TNFSF4: variants seen among roughly 807,000 people sequenced by gnomAD.
The protein encoded by TNFSF4 is TNF superfamily member 4, also known as tumor necrosis factor ligand superfamily member 4.
A neutral mutation model predicts 7.3 loss-of-function variants in TNFSF4; 4 were observed. The observed-to-expected ratio is 0.55, with a 90% CI of 0.27 to 1.25. TNFSF4 has a LOEUF of 1.25. Ranked by LOEUF, TNFSF4 falls within the 50% of genes most tolerant of loss-of-function variation. TNFSF4 has a pLI of 0.12. For missense variants in TNFSF4, 181 were observed against 208.8 expected, an observed-to-expected ratio of 0.87 and a Z score of 0.82; for synonymous variants, 76 against 83.7, an observed-to-expected ratio of 0.91 and a Z score of 0.50.
the TNFSF4 span, among the ~76,000 whole-genome samples, chr1:173,442,556 T>G: frequency 0.013 from 1,847 of 143,554 alleles, 56 homozygotes; most frequent in African/African-American, 0.044. Flanking sequence ...TTTTTGTTTT[T>G]TTTTTTTTTT....
chr1:173,288,341 C>T, the TNFSF4 span, among the ~76,000 whole-genome samples: 4 of 152,040 alleles, frequency 2.6e-5, no homozygotes, highest in African/African-American at 7.2e-5. Flanking sequence ...GGGGCTGAAG[C>T]GGGAGGACTG....
chr1:173,173,601 G>A, the TNFSF4 span, among the ~76,000 whole-genome samples: 1 of 152,226 alleles, frequency 6.6e-6, no homozygotes, highest in Non-Finnish European at 1.5e-5. Context: ...AATCTAGGCA[G>A]AGGTACCCAA....
intron 1 of TNFSF4, among the ~76,000 whole-genome samples, chr1:173,190,955 A>G (rs2101985672): frequency 6.6e-6 from 1 of 152,324 alleles, no homozygotes; most frequent in Middle Eastern, 3.4e-3. Context: ...CTAGCTTTCC[A>G]TGATTTAGAT....
At chr1:173,356,486 A>G in the TNFSF4 span, among the ~76,000 whole-genome samples, 1 of 152,234 alleles carries the variant, frequency 6.6e-6, no homozygotes, top group Admixed American at 6.5e-5. Flanking sequence ...TCCAGAAACC[A>G]CGTATCACAA....
the TNFSF4 span, among the ~76,000 whole-genome samples, chr1:173,424,367 T>A: frequency 6.6e-6 from 1 of 152,224 alleles, no homozygotes; most frequent in African/African-American, 2.4e-5. Context: ...GGAAGACCTA[T>A]GCATGACTAT....
chr1:173,415,760 T>C, the TNFSF4 span, among the ~76,000 whole-genome samples: 3 of 152,264 alleles, frequency 2.0e-5, no homozygotes, highest in African/African-American at 7.2e-5. Flanking sequence ...TTTGTTTTCT[T>C]TTTTAGTATG....
At chr1:173,428,310 G>A in the TNFSF4 span, among the ~76,000 whole-genome samples, 1 of 152,126 alleles carries the variant, frequency 6.6e-6, no homozygotes, top group Non-Finnish European at 1.5e-5. Flanking sequence ...TTTGTTATGA[G>A]GGGCATGACT....
the TNFSF4 span, among the ~76,000 whole-genome samples, chr1:173,236,270 T>C: frequency 1.3e-5 from 2 of 152,294 alleles, no homozygotes; most frequent in South Asian, 2.1e-4. Context: ...ATTCCATCTA[T>C]AGATTACTCT....
chr1:173,224,960 C>T, the TNFSF4 span, among the ~76,000 whole-genome samples: 1 of 152,152 alleles, frequency 6.6e-6, no homozygotes, highest in South Asian at 2.1e-4. Context: ...GTAATCATCT[C>T]CCCTTCCTCT....
the TNFSF4 span, among the ~76,000 whole-genome samples, chr1:173,329,606 T>C: frequency 6.6e-6 from 1 of 152,090 alleles, no homozygotes; most frequent in Non-Finnish European, 1.5e-5. Context: ...AGGGGATTTT[T>C]TTCACCTCAT....
chr1:173,413,914 T>C, the TNFSF4 span, among the ~76,000 whole-genome samples: 1 of 152,318 alleles, frequency 6.6e-6, no homozygotes, highest in African/African-American at 2.4e-5. Flanking sequence ...TCCAAAAGAA[T>C]GCTTCTACTG....
chr1:173,179,671 T>A (rs1259660692), downstream of TNFSF4, among the ~76,000 whole-genome samples: 1 of 152,202 alleles, frequency 6.6e-6, no homozygotes, highest in Admixed American at 6.5e-5. Context: ...TCATTCTTCT[T>A]CTAGTTGAGT....
At chr1:173,317,855 T>C in the TNFSF4 span, among the ~76,000 whole-genome samples, 5 of 152,222 alleles carry the variant, frequency 3.3e-5, no homozygotes, top group Non-Finnish European at 7.3e-5. Flanking sequence ...TAGGCAATTA[T>C]AGTGTTTTGA....
chr1:173,382,989 A>T, the TNFSF4 span, among the ~76,000 whole-genome samples: 1 of 152,220 alleles, frequency 6.6e-6, no homozygotes, highest in Non-Finnish European at 1.5e-5. Context: ...TTATCTTTTT[A>T]AAAAACAAAC....
the TNFSF4 span, among the ~76,000 whole-genome samples, chr1:173,427,286 C>T: frequency 6.6e-6 from 1 of 152,146 alleles, no homozygotes; most frequent in Admixed American, 6.5e-5. Context: ...TTTCCCTACC[C>T]TCCCAAAGGA....
chr1:173,284,719 A>G, the TNFSF4 span, among the ~76,000 whole-genome samples: 4 of 152,180 alleles, frequency 2.6e-5, no homozygotes, highest in Non-Finnish European at 5.9e-5. Context: ...TATAAATGGA[A>G]CAACAAAGGC....
the TNFSF4 span, among the ~76,000 whole-genome samples, chr1:173,257,504 C>T: frequency 7.2e-5 from 11 of 152,336 alleles, no homozygotes; most frequent in African/African-American, 2.2e-4. Context: ...TTCTGACCAA[C>T]GGGTTACAAA....
chr1:173,302,502 C>T, the TNFSF4 span, among the ~76,000 whole-genome samples: 1 of 151,762 alleles, frequency 6.6e-6, no homozygotes, highest in African/African-American at 2.4e-5. Context: ...CTCTCATTCC[C>T]GTTTTATAGA....
At chr1:173,423,014 A>C in the TNFSF4 span, among the ~76,000 whole-genome samples, 3 of 151,534 alleles carry the variant, frequency 2.0e-5, no homozygotes, top group South Asian at 6.3e-4. Flanking sequence ...TGTTGCCCAC[A>C]CTGGAGTGCA....
Sources: gnomAD v4.1 joint callset for allele counts (sites outside exome capture counted in the v4.1 genomes callset) on GRCh38, gnomAD v4.1.1 for gene constraint, MANE v1.5 for transcripts, NCBI Gene and HGNC (gene_info 2026-07-23, HGNC 2026-07-21) for gene names.